Variants in TENT4B observed in about 807,000 individuals in gnomAD.
The protein encoded by TENT4B is PAP associated domain containing 5.
In TENT4B, 10 loss-of-function variants were observed where a neutral mutation model predicts 75.0. The ratio of observed to expected loss-of-function variants is 0.13; its 90% CI spans 0.08 to 0.23. The LOEUF (loss-of-function observed/expected upper bound fraction) is 0.23. TENT4B is among the 10% of genes least tolerant of loss of function. The pLI, the probability that TENT4B is intolerant of heterozygous loss-of-function variation, is 1.00. For synonymous variants in TENT4B, 350 were observed against 357.7 expected (o/e 0.98, Z 0.24); for missense variants, 579 against 893.8 (o/e 0.65, Z 4.49).
intron 3 of TENT4B, among the ~76,000 whole-genome samples, chr16:50,215,653 AAC>A (rs544614784): frequency 7.5e-4 from 114 of 152,306 alleles, no homozygotes; most frequent in Non-Finnish European, 1.2e-3. Flanking sequence ...TGTGTATATT[AAC>A]ACAAATGGTA....
chr16:50,203,562 C>A (rs1446046901), intron 1 of TENT4B, among the ~76,000 whole-genome samples: 4 of 152,126 alleles, frequency 2.6e-5, no homozygotes, highest in Admixed American at 2.6e-4. Context: ...TGCAGACTTC[C>A]TTTGCCTACA....
chr16:50,193,152 G>A (rs2029960370), intron 1 of TENT4B, among the ~76,000 whole-genome samples: 1 of 152,068 alleles, frequency 6.6e-6, no homozygotes, highest in Non-Finnish European at 1.5e-5. Flanking sequence ...CATTGGGTGT[G>A]GTTTGCTGAC....
At chr16:50,215,931 C>A in intron 3 of TENT4B, 144 bp from the exon 4 acceptor site, 1 of 938,636 alleles carries the variant, frequency 1.1e-6, no homozygotes. Context: ...CTCCACAAAA[C>A]CATTATCACC....
Position 50,154,254 on chromosome 16 carries a change from C to T in TENT4B, c.633C>T (p.Val211=). ...PWKRRNYNQG[V]VGLHEEISDF... ...AACGGAGGAACTACAACCAGGGAGTCGTGGGGTGAGTGCTGGCTCTGCGGC... is the reference window on the plus strand; with the variant it reads ...AACGGAGGAACTACAACCAGGGAGTTGTGGGGTGAGTGCTGGCTCTGCGGC... The change falls in exon 1 of 12, where the codon GTC becomes GTT. Residue 211 remains valine, a synonymous_variant. Transcript: ENST00000561678. 1 of 1,437,226 alleles carries T rather than the reference C, an allele frequency of 7.0e-7. No individual in the cohort carries two copies. The highest frequency in any genetic ancestry group is 9.1e-7 in the Non-Finnish European group (1 of 1,102,250). The allele number at this position is 1,437,226 out of a possible 1,614,324, so 89.0% of individuals were successfully genotyped here.
At chr16:50,193,400 C>T (rs573210563) in intron 1 of TENT4B, among the ~76,000 whole-genome samples, 28 of 146,268 alleles carry the variant, frequency 1.9e-4, no homozygotes, top group African/African-American at 6.4e-4. Context: ...TGCAGTGGCA[C>T]GATCTCGGCT....
intron 1 of TENT4B, among the ~76,000 whole-genome samples, chr16:50,193,401 G>A (rs948756916): frequency 1.8e-4 from 25 of 141,848 alleles, no homozygotes; most frequent in African/African-American, 6.1e-4. Context: ...GCAGTGGCAC[G>A]ATCTCGGCTC....
intron 1 of TENT4B, among the ~76,000 whole-genome samples, chr16:50,197,598 T>C (rs1334882272): frequency 1.3e-5 from 2 of 152,152 alleles, no homozygotes; most frequent in Admixed American, 6.6e-5. Context: ...AATGGTTTAA[T>C]TGAGCAAAGA....
chr16:50,194,340 T>C (rs374933124), intron 1 of TENT4B, among the ~76,000 whole-genome samples: 1 of 151,532 alleles, frequency 6.6e-6, no homozygotes, highest in Non-Finnish European at 1.5e-5. Context: ...CTCAGCCTCC[T>C]GAGTTGCTGA....
Position 50,232,992 on chromosome 16 carries a change from T to C in TENT4B, c.*3664T>C. 3 of 984,394 alleles carry C rather than the reference T, an allele frequency of 3.0e-6. No homozygotes were observed. The highest frequency in any genetic ancestry group is 3.6e-6 in the Non-Finnish European group (3 of 828,952). 61.0% of individuals were successfully genotyped at this position (984,394 alleles called of 1,614,324 possible). A position where few individuals can be genotyped will look rare whatever the true frequency, so the allele number is the denominator to read the frequency against. On this transcript the variant is annotated 3_prime_UTR_variant, in exon 12 of 12. Coordinates refer to ENST00000561678, the MANE Select transcript of TENT4B (RefSeq NM_001365324.3). Reference sequence around the variant, plus strand: ...ATGTTAAAATTAATGAACAGAAGAATTTATTCTTACCCATCTATTCTTGTT... The same window carrying C: ...ATGTTAAAATTAATGAACAGAAGAACTTATTCTTACCCATCTATTCTTGTT...
Position 50,169,249 on chromosome 16 carries a change from C to T in TENT4B, c.638+14990C>T, listed in dbSNP as rs113013506. Among the ~76,000 whole-genome samples, 414 of 152,172 alleles carry T rather than the reference C, an allele frequency of 2.7e-3. 2 individuals are homozygous for T. Among genetic ancestry groups the T allele is most frequent in the African/African-American group, 9.1e-3 (380 of 41,536 alleles). On this transcript the variant is annotated intron_variant, in intron 1 of 11. Transcript: ENST00000561678. ...ATATTTATTTGTTGAAGAAACCAAG[C>T]GTTGTTTCCTGTGGACTTTCCTACT...
intron 1 of TENT4B, among the ~76,000 whole-genome samples, chr16:50,207,051 T>G (rs2031018898): frequency 6.6e-6 from 1 of 152,004 alleles, no homozygotes; most frequent in African/African-American, 2.4e-5. Flanking sequence ...AAATTAATTT[T>G]GTTTCTCTTG....
intron 1 of TENT4B, among the ~76,000 whole-genome samples, chr16:50,167,052 T>G (rs1416435175): frequency 6.6e-6 from 1 of 152,120 alleles, no homozygotes; most frequent in African/African-American, 2.4e-5. Flanking sequence ...TCTTCCTGAG[T>G]AGCTAGGACT....
chr16:50,228,548 T>G (rs537140208), intron 11 of TENT4B, among the ~76,000 whole-genome samples: 1 of 152,270 alleles, frequency 6.6e-6, no homozygotes, highest in South Asian at 2.1e-4. Flanking sequence ...GCCATTGATA[T>G]GGGGCTCTGG....
intron 5 of TENT4B, 135 bp downstream of exon 5, chr16:50,217,798 C>T (rs1267846607): frequency 1.3e-5 from 3 of 236,048 alleles, no homozygotes; most frequent in African/African-American, 6.3e-5. Flanking sequence ...TAGGGTCTCA[C>T]TCTGTCACCT....
chr16:50,160,142 C>G (rs547206599), intron 1 of TENT4B, among the ~76,000 whole-genome samples: 1 of 152,238 alleles, frequency 6.6e-6, no homozygotes, highest in African/African-American at 2.4e-5. Context: ...AAATGATCTG[C>G]CTGCCTTGGC....
Position 50,220,852 on chromosome 16 carries a change from T to A in TENT4B, c.1039-1454T>A, listed in dbSNP as rs549497010. On this transcript the variant is annotated intron_variant, in intron 5 of 11. Coordinates refer to ENST00000561678, the MANE Select transcript of TENT4B (RefSeq NM_001365324.3). ...CCCACAATGTTTAAAAATACTTATT[T>A]CTCCATATTTTTGTTCTTTCCTATG... is the stretch of plus-strand genomic sequence containing the variant. 1.6e-4 allele frequency among the ~76,000 whole-genome samples: 24 copies of A among 152,204 alleles called. 1 individual carries two copies. The highest frequency in any genetic ancestry group is 2.1e-4 in the Non-Finnish European group (14 of 68,046).
chr16:50,183,820 A>G (rs1158587752), intron 1 of TENT4B, among the ~76,000 whole-genome samples: 2 of 151,934 alleles, frequency 1.3e-5, no homozygotes, highest in African/African-American at 2.4e-5. Flanking sequence ...CGAGGTGGGC[A>G]GATCACCTGA....
intron 1 of TENT4B, among the ~76,000 whole-genome samples, chr16:50,165,779 ATT>A (rs763361466): frequency 7.2e-5 from 11 of 152,102 alleles, no homozygotes; most frequent in Non-Finnish European, 1.0e-4. Context: ...ATGGCTGAAT[ATT>A]TTATTGCATG....
At chr16:50,154,855 T>A (rs900404049) in intron 1 of TENT4B, among the ~76,000 whole-genome samples, 5 of 152,158 alleles carry the variant, frequency 3.3e-5, no homozygotes, top group African/African-American at 1.2e-4. Flanking sequence ...ATCTTTTTAT[T>A]TTTAAAAAAT....
Sources: gnomAD v4.1 joint callset for allele counts (sites outside exome capture counted in the v4.1 genomes callset) on GRCh38, gnomAD v4.1.1 for gene constraint, MANE v1.5 for transcripts, NCBI Gene and HGNC (gene_info 2026-07-23, HGNC 2026-07-21) for gene names.